ACOT11: variants seen among roughly 807,000 people sequenced by gnomAD.
ACOT11 encodes acyl-coenzyme A thioesterase 11.
In ACOT11, 69 loss-of-function variants were observed where a neutral mutation model predicts 77.5. The observed-to-expected ratio is 0.89, with a 90% CI of 0.73 to 1.09. ACOT11 has a LOEUF of 1.09. Ranked by LOEUF, ACOT11 falls within the 50% of genes least tolerant of loss-of-function variation. The pLI, the probability that ACOT11 is intolerant of heterozygous loss-of-function variation, is 0.00. For synonymous variants in ACOT11, 279 were observed against 313.0 expected (o/e 0.89, Z 1.15); for missense variants, 766 against 813.7 (o/e 0.94, Z 0.71).
intron 7 of ACOT11, 45 bp downstream of exon 7, chr1:54,597,460 C>T: frequency 6.5e-7 from 1 of 1,549,888 alleles, no homozygotes; most frequent in South Asian, 1.2e-5. Context: ...CTTTCTCCTC[C>T]TCCTCCCCTT....
intron 15 of ACOT11, among the ~76,000 whole-genome samples, chr1:54,618,171 A>G (rs1223674404): frequency 1.3e-5 from 2 of 151,850 alleles, no homozygotes; most frequent in Non-Finnish European, 2.9e-5. Flanking sequence ...CAACTTTACT[A>G]TGGCACCTCC....
Position 54,594,709 on chromosome 1 carries a change from G to A in ACOT11, c.607+18G>A, listed in dbSNP as rs926805650. On this transcript the variant is annotated intron_variant, in intron 6 of 15. Transcript: ENST00000343744. The stretch of plus-strand genomic sequence containing the variant: ...TCAGGGCGGTGAGCAGCTGCCAGCT[G>A]TGCATGGGGAGGGTAGCTGGCGTCC... 3 of 1,599,806 alleles carry A rather than the reference G, an allele frequency of 1.9e-6. No individual in the cohort carries two copies. The African/African-American group carries it at 4.0e-5, about 21-fold the overall frequency.
chr1:54,588,185 C>T (rs1191117919), intron 3 of ACOT11, among the ~76,000 whole-genome samples: 2 of 152,026 alleles, frequency 1.3e-5, no homozygotes, highest in East Asian at 1.9e-4. Context: ...ACCTGGGTGA[C>T]ACAGTGAGAT....
intron 16 of ACOT11, chr1:54,630,903 G>A: frequency 1.4e-6 from 1 of 700,116 alleles, no homozygotes; most frequent in Non-Finnish European, 2.7e-6. Flanking sequence ...AAGAAGGGGA[G>A]TCCGGAAGCG....
intron 1 of ACOT11, among the ~76,000 whole-genome samples, chr1:54,582,158 C>T (rs1228770241): frequency 4.6e-5 from 7 of 152,306 alleles, no homozygotes; most frequent in African/African-American, 1.7e-4. Context: ...CTGGGAATCT[C>T]AGCTGGGTAT....
chr1:54,587,964 G>A (rs536711086), intron 3 of ACOT11, among the ~76,000 whole-genome samples: 1 of 152,078 alleles, frequency 6.6e-6, no homozygotes, highest in South Asian at 2.1e-4. Context: ...TCCAATTCCA[G>A]AACTTTGGGA....
At chr1:54,611,829 G>A (rs1241204530), downstream of ACOT11, 1 of 1,536,942 alleles carries the variant, frequency 6.5e-7, no homozygotes, top group Non-Finnish European at 8.9e-7. Flanking sequence ...CTGGATGTCA[G>A]CTGGGCGCAG....
At chr1:54,564,909 A>G (rs1569662034) in intron 1 of ACOT11, among the ~76,000 whole-genome samples, 1 of 152,160 alleles carries the variant, frequency 6.6e-6, no homozygotes, top group African/African-American at 2.4e-5. Context: ...TTAAGAGATC[A>G]GATGTACATG....
intron 16 of ACOT11, among the ~76,000 whole-genome samples, chr1:54,633,056 T>A (rs1202274767): frequency 6.6e-6 from 1 of 152,108 alleles, no homozygotes. Context: ...TAGAAAAAGA[T>A]TTGCAAGGTT....
chr1:54,617,208 C>G (rs1644181898), intron 15 of ACOT11, among the ~76,000 whole-genome samples: 1 of 152,110 alleles, frequency 6.6e-6, no homozygotes, highest in Non-Finnish European at 1.5e-5. Flanking sequence ...TCAGACCTTT[C>G]TAATGGGAAG....
At chr1:54,582,750 G>A (rs867957990) in intron 1 of ACOT11, among the ~76,000 whole-genome samples, 15 of 152,268 alleles carry the variant, frequency 9.9e-5, no homozygotes, top group Middle Eastern at 3.4e-3. Flanking sequence ...CTGGTAAAGC[G>A]GGGGTGCTGT....
At chr1:54,574,132 C>T (rs12060880) in intron 1 of ACOT11, among the ~76,000 whole-genome samples, 3,553 of 152,274 alleles carry the variant, frequency 0.023, 134 homozygotes, top group African/African-American at 0.081. Context: ...CCACCACTTT[C>T]GGTTTTATAA....
intron 16 of ACOT11, among the ~76,000 whole-genome samples, chr1:54,631,648 G>T (rs1194764798): frequency 6.6e-6 from 1 of 152,114 alleles, no homozygotes; most frequent in Non-Finnish European, 1.5e-5. Flanking sequence ...TGATGCCATG[G>T]AACAGCTTAG....
rs374892951 is a variant in ACOT11 at position 54,607,220 on chromosome 1, A to G, written c.1457A>G (p.Gln486Arg). 5.5e-5 allele frequency: 89 copies of G among 1,614,070 alleles called. No individual in the cohort carries two copies. The highest frequency in any genetic ancestry group is 7.3e-5 in the Non-Finnish European group (86 of 1,180,036). ...SPALGGHTKPQDFVILASRRK... is the reference protein window; with the variant it reads ...SPALGGHTKPRDFVILASRRK... ...GCCCTCGGAGGTCACACAAAGCCCC[A>G]GGACTTCGTGATCCTGGCCTCGAGG... Residue 486 changes from glutamine (Q) to arginine (R), a missense_variant, in exon 14 of 16, where the codon CAG becomes CGG. Coordinates refer to ENST00000343744, the MANE Select transcript of ACOT11 (RefSeq NM_147161.4). This position sits in a 1 kb window ranked among gnomAD's most constrained non-coding sequence, Gnocchi z 4.5.
intron 6 of ACOT11, 108 bp downstream of exon 6, chr1:54,594,799 C>T (rs995332930): frequency 4.1e-6 from 6 of 1,461,788 alleles, no homozygotes; most frequent in South Asian, 1.4e-5. Context: ...CGGGGACTTC[C>T]ACCCACTGGT....
At position 54,599,369 on chromosome 1, in the gene ACOT11, G is replaced by A. The variant is rs185529412; in HGVS notation, c.838G>A (p.Asp280Asn). Residue 280 changes from aspartate to asparagine, a missense_variant, in exon 8 of 16, where the codon GAC becomes AAC. Coordinates refer to ENST00000343744, the MANE Select transcript of ACOT11 (RefSeq NM_147161.4). ...CTTCCGAGGCCCGTCCCAGGTCGGC[G>A]ACCGTCTGGTGCTCAAAGCCATCGT... is the stretch of plus-strand genomic sequence containing the variant. ...FHFRGPSQVG[D>N]RLVLKAIVNN... The A allele has an allele frequency of 1.7e-5, 28 of 1,608,284 alleles. No homozygotes were observed. The East Asian group carries it at 4.9e-4, about 28-fold the overall frequency.
rs532586644 is a variant in ACOT11 at position 54,572,075 on chromosome 1, G to A, written c.34-12580G>A. Among the ~76,000 whole-genome samples the A allele has an allele frequency of 2.0e-5, 3 of 152,062 alleles. No homozygotes were observed. The East Asian group carries it at 5.8e-4, about 30-fold the overall frequency. On this transcript the variant is annotated intron_variant, in intron 1 of 15. Coordinates refer to ENST00000343744, the MANE Select transcript of ACOT11 (RefSeq NM_147161.4). Reference sequence around the variant, plus strand: ...AGGAGGAAGGTGCACAGTGGGGGAGGTCTGGAGCCTGTCCTCCCTTCCTGC... The same window carrying A: ...AGGAGGAAGGTGCACAGTGGGGGAGATCTGGAGCCTGTCCTCCCTTCCTGC...
intron 16 of ACOT11, among the ~76,000 whole-genome samples, chr1:54,632,683 G>A (rs766049683): frequency 3.9e-4 from 60 of 152,150 alleles, no homozygotes; most frequent in Admixed American, 1.0e-3. Flanking sequence ...ACTGATAAAC[G>A]TCCTACCTGT....
intron 1 of ACOT11, among the ~76,000 whole-genome samples, chr1:54,583,341 T>G (rs1426751319): frequency 6.6e-6 from 1 of 152,152 alleles, no homozygotes; most frequent in Non-Finnish European, 1.5e-5. Flanking sequence ...GGTCAGTGAC[T>G]TTGAACAAGC....
Sources: allele counts gnomAD v4.1 joint callset (sites outside exome capture counted in the v4.1 genomes callset), GRCh38; gene constraint gnomAD v4.1.1; non-coding constraint Gnocchi (gnomAD v3.1); transcripts MANE v1.5; gene names NCBI Gene and HGNC (gene_info 2026-07-23, HGNC 2026-07-21).